DPYD: variants seen among roughly 807,000 people sequenced by gnomAD.
DPYD encodes dihydropyrimidine dehydrogenase [NADP(+)].
In DPYD, 109 loss-of-function variants were observed where a neutral mutation model predicts 116.2. The observed-to-expected ratio is 0.94, with a 90% CI of 0.80 to 1.10. The LOEUF (loss-of-function observed/expected upper bound fraction) is 1.10. Among genes scored for constraint, DPYD ranks in the 50% least tolerant of loss-of-function variants. DPYD has a pLI of 0.00. For missense variants in DPYD, 1,302 were observed against 1,254.5 expected (o/e 1.04, Z -0.57); for synonymous variants, 440 against 432.0 (o/e 1.02, Z -0.23).
chr1:97,096,842 T>G (rs1650287272), intron 21 of DPYD, among the ~76,000 whole-genome samples: 1 of 152,132 alleles, frequency 6.6e-6, no homozygotes, highest in African/African-American at 2.4e-5. Flanking sequence ...AGCTTTGTTC[T>G]TTCGCTCTTC....
chr1:97,264,944 G>A (rs764747676), intron 18 of DPYD, among the ~76,000 whole-genome samples: 15 of 152,026 alleles, frequency 9.9e-5, no homozygotes, highest in Non-Finnish European at 8.8e-5. Flanking sequence ...CAAAGATATG[G>A]TTATGAGAAA....
chr1:97,872,314 T>C (rs2101619010), intron 2 of DPYD, among the ~76,000 whole-genome samples: 1 of 152,042 alleles, frequency 6.6e-6, no homozygotes, highest in South Asian at 2.1e-4. Flanking sequence ...CCATTAACCA[T>C]AAAGTTGTTT....
At chr1:97,771,299 G>A (rs1306672252) in intron 3 of DPYD, among the ~76,000 whole-genome samples, 1 of 152,166 alleles carries the variant, frequency 6.6e-6, no homozygotes, top group Non-Finnish European at 1.5e-5. Context: ...ATTTTGGAAA[G>A]TAAATGAGAA....
chr1:97,785,259 G>A (rs971363341), intron 3 of DPYD, among the ~76,000 whole-genome samples: 8 of 152,050 alleles, frequency 5.3e-5, no homozygotes, highest in Non-Finnish European at 7.4e-5. Flanking sequence ...TTTTCATAAT[G>A]TATAACATAT....
At chr1:97,343,736 T>C (rs1669702168) in intron 16 of DPYD, among the ~76,000 whole-genome samples, 1 of 151,982 alleles carries the variant, frequency 6.6e-6, no homozygotes. Flanking sequence ...AATATATGAG[T>C]GCTAAAGCTA....
intron 16 of DPYD, among the ~76,000 whole-genome samples, chr1:97,351,048 C>A (rs561550564): frequency 6.6e-6 from 1 of 152,256 alleles, no homozygotes; most frequent in East Asian, 1.9e-4. Flanking sequence ...TATTCAGCCA[C>A]TATAAATAAT....
At chr1:97,387,979 G>T (rs1672451421) in intron 14 of DPYD, among the ~76,000 whole-genome samples, 1 of 152,076 alleles carries the variant, frequency 6.6e-6, no homozygotes, top group Admixed American at 6.6e-5. Flanking sequence ...AGATGCTTGT[G>T]ACTATAGGGA....
At position 97,090,730 on chromosome 1, in the gene DPYD, T is replaced by C. The variant is rs6680642; in HGVS notation, c.2766+7759A>G. 9.8e-3 allele frequency among the ~76,000 whole-genome samples: 1,494 copies of C among 152,348 alleles called. 10 individuals are homozygous for C. The highest frequency in any genetic ancestry group is 0.014 in the Middle Eastern group (4 of 294). ...AGCTCCATAAGGATAGACGTCTTTCTTTTTAAAATTCACGTTGTATTCCTA... is the reference window on the plus strand; with the variant it reads ...AGCTCCATAAGGATAGACGTCTTTCCTTTTAAAATTCACGTTGTATTCCTA... On this transcript the variant is annotated intron_variant, in intron 21 of 22. Coordinates refer to ENST00000370192, the MANE Select transcript of DPYD (RefSeq NM_000110.4).
At chr1:97,751,456 G>A (rs374280464) in intron 3 of DPYD, among the ~76,000 whole-genome samples, 1,266 of 24,136 alleles carry the variant, frequency 0.052, 13 homozygotes, top group South Asian at 0.077. Context: ...GTGTGTGTGT[G>A]TGTGTATATA....
At chr1:97,599,860 CAAAAAAAAAAAAAAAAAAAAAAAA>C (rs56940277) in intron 8 of DPYD, among the ~76,000 whole-genome samples, 1 of 36,442 alleles carries the variant, frequency 2.7e-5, no homozygotes, top group African/African-American at 1.1e-4. Context: ...CCCATCTCCA[CAAAAAAAAAAAAAAAAAAAAAAAA>C]AAAAAAAAAA....
intron 1 of DPYD, among the ~76,000 whole-genome samples, chr1:97,890,037 C>T (rs1672702555): frequency 6.6e-6 from 1 of 151,790 alleles, no homozygotes; most frequent in African/African-American, 2.4e-5. Context: ...ATTGTTGATA[C>T]CATTTATATA....
intron 1 of DPYD, among the ~76,000 whole-genome samples, chr1:97,912,141 C>G (rs1673972043): frequency 6.6e-6 from 1 of 152,074 alleles, no homozygotes; most frequent in African/African-American, 2.4e-5. Flanking sequence ...AAATGGTCCC[C>G]TTTTCCTTTT....
At chr1:97,660,171 A>C (rs1659168782) in intron 8 of DPYD, among the ~76,000 whole-genome samples, 1 of 152,162 alleles carries the variant, frequency 6.6e-6, no homozygotes, top group Non-Finnish European at 1.5e-5. Flanking sequence ...ACTTCTTTTC[A>C]AAGCAATTAA....
At chr1:97,642,690 A>C (rs1657999914) in intron 8 of DPYD, among the ~76,000 whole-genome samples, 1 of 129,772 alleles carries the variant, frequency 7.7e-6, no homozygotes, top group Non-Finnish European at 1.6e-5. Context: ...ATGAGAACAC[A>C]TGGACACAGG....
chr1:97,888,319 C>G (rs1380234391), intron 1 of DPYD, among the ~76,000 whole-genome samples: 1 of 151,512 alleles, frequency 6.6e-6, no homozygotes, highest in Non-Finnish European at 1.5e-5. Context: ...AATCAGAAGA[C>G]CAAAGAGAAA....
chr1:97,457,722 G>A (rs180844024), intron 13 of DPYD, among the ~76,000 whole-genome samples: 107 of 152,270 alleles, frequency 7.0e-4, no homozygotes, highest in African/African-American at 2.4e-3. Flanking sequence ...GAAATAAACC[G>A]GAAATGAGGA....
At chr1:97,291,691 GT>G (rs1666186849) in intron 18 of DPYD, among the ~76,000 whole-genome samples, 1 of 151,728 alleles carries the variant, frequency 6.6e-6, no homozygotes, top group South Asian at 2.1e-4. Flanking sequence ...CTGTTGTGGG[GT>G]GGGGGGAGTG....
At chr1:97,633,993 A>G (rs2100801069) in intron 8 of DPYD, among the ~76,000 whole-genome samples, 1 of 152,176 alleles carries the variant, frequency 6.6e-6, no homozygotes, top group Non-Finnish European at 1.5e-5. Flanking sequence ...TTTTAGACAG[A>G]TAAGGGGAAA....
intron 11 of DPYD, among the ~76,000 whole-genome samples, chr1:97,571,057 A>G (rs1295011841): frequency 6.6e-6 from 1 of 152,022 alleles, no homozygotes; most frequent in Non-Finnish European, 1.5e-5. Context: ...AAGTTCATTT[A>G]TATGTCTTGA....
Sources: gnomAD v4.1 joint callset for allele counts (sites outside exome capture counted in the v4.1 genomes callset) on GRCh38, gnomAD v4.1.1 for gene constraint, MANE v1.5 for transcripts, NCBI Gene and HGNC (gene_info 2026-07-23, HGNC 2026-07-21) for gene names.